ANXA5: variants seen among roughly 807,000 people sequenced by gnomAD.
ANXA5 encodes the protein annexin A5.
Under a neutral mutation model 48.1 loss-of-function variants are expected in ANXA5, and 40 were observed. The observed-to-expected ratio is 0.83, with a 90% CI of 0.65 to 1.08. ANXA5 has a LOEUF of 1.08. ANXA5 is among the 50% of genes least tolerant of loss of function. The probability of loss-of-function intolerance (pLI) is 0.00; values close to 1 mark genes in which losing one functional copy is unlikely to be tolerated. For missense variants in ANXA5, 357 were observed against 376.8 expected (o/e 0.95, Z 0.44); for synonymous variants, 113 against 129.1 (o/e 0.88, Z 0.85).
chr4:121,668,552 C>T, intron 12 of ANXA5, 25 bp from the exon 13 acceptor site: 1 of 1,603,412 alleles, frequency 6.2e-7, no homozygotes, highest in South Asian at 1.1e-5. Context: ...ATTCCATTAA[C>T]CTCCATGACT....
chr4:121,694,151 A>G (rs10017443), intron 2 of ANXA5, among the ~76,000 whole-genome samples: 74,588 of 141,096 alleles, frequency 0.53, 21,114 homozygotes, highest in African/African-American at 0.69. Context: ...TAATGTAAAT[A>G]TTGAGTTAAT....
intron 9 of ANXA5, 86 bp downstream of exon 9, chr4:121,672,447 C>A: frequency 1.2e-6 from 1 of 866,406 alleles, no homozygotes; most frequent in Non-Finnish European, 1.9e-6. Context: ...TAAGTCCCTG[C>A]TATGTAGCAG....
chr4:121,696,048 T>A (rs1243171808), intron 2 of ANXA5, among the ~76,000 whole-genome samples: 5 of 149,042 alleles, frequency 3.4e-5, no homozygotes, highest in African/African-American at 9.8e-5. Flanking sequence ...TCTTTTGGAT[T>A]AAAAAAAAAA....
intron 2 of ANXA5, among the ~76,000 whole-genome samples, chr4:121,689,344 C>T (rs528910596): frequency 1.8e-4 from 27 of 152,248 alleles, no homozygotes; most frequent in Admixed American, 7.2e-4. Context: ...ATGTCTCCCC[C>T]GTCCAAAGTA....
chr4:121,692,592 A>G (rs1420158521), intron 2 of ANXA5, among the ~76,000 whole-genome samples: 2 of 152,088 alleles, frequency 1.3e-5, no homozygotes, highest in African/African-American at 2.4e-5. Flanking sequence ...TCCCCACCTC[A>G]CTGCAGTTTC....
rs1274859071 is a variant in ANXA5 at position 121,668,332 on chromosome 4, G to A, written c.*136C>T. ...GCACCACTATTTTCTTCTATGACGT[G>A]TATGTGTTGGTCATGAGCATGCTAG... On this transcript the variant is annotated 3_prime_UTR_variant, in exon 13 of 13. Transcript: ENST00000296511. 4 of 708,814 alleles carry A rather than the reference G, an allele frequency of 5.6e-6. No homozygotes were observed. In the African/African-American group the frequency reaches 7.1e-5, roughly 13 times the overall value. 43.9% of individuals were successfully genotyped at this position (708,814 alleles called of 1,614,324 possible). A position where few individuals can be genotyped will look rare whatever the true frequency, so the allele number is the denominator to read the frequency against.
At chr4:121,687,229 G>A (rs570703898) in intron 2 of ANXA5, among the ~76,000 whole-genome samples, 53 of 151,686 alleles carry the variant, frequency 3.5e-4, no homozygotes, top group African/African-American at 1.2e-3. Context: ...GAACCTGGGA[G>A]GCGGAGCTTG....
chr4:121,685,125 AAC>A (rs1012627376), intron 3 of ANXA5, among the ~76,000 whole-genome samples: 21 of 151,790 alleles, frequency 1.4e-4, no homozygotes, highest in Admixed American at 3.9e-4. Context: ...TGTTTTATTA[AAC>A]AGTTTATTAA....
At chr4:121,691,272 C>CT (rs1158747789) in intron 2 of ANXA5, among the ~76,000 whole-genome samples, 16 of 151,098 alleles carry the variant, frequency 1.1e-4, no homozygotes, top group Non-Finnish European at 1.5e-4. Flanking sequence ...ATTTTGTTGG[C>CT]TTTTTTTTTC....
rs2110478481 is a variant in ANXA5 at position 121,670,023 on chromosome 4, A to G, written c.722-11T>C. Reference sequence around the variant, plus strand: ...TTCGAATAGATTTCACTAAGAAAATAAACAATACAATGGTCAAATGCTATT... The same window carrying G: ...TTCGAATAGATTTCACTAAGAAAATGAACAATACAATGGTCAAATGCTATT... On this transcript the variant is annotated splice_polypyrimidine_tract_variant and intron_variant, in intron 10 of 12. Coordinates refer to ENST00000296511, the MANE Select transcript of ANXA5 (RefSeq NM_001154.4). 6.3e-7 allele frequency: 1 copy of G among 1,576,320 alleles called. No individual in the cohort carries two copies. The highest frequency in any genetic ancestry group is 1.1e-5 in the South Asian group (1 of 87,358).
intron 8 of ANXA5, among the ~76,000 whole-genome samples, chr4:121,672,972 C>T (rs563723397): frequency 1.1e-4 from 17 of 152,298 alleles, no homozygotes; most frequent in African/African-American, 3.8e-4. Flanking sequence ...GTTGATACAT[C>T]CATGTATAGA....
At chr4:121,680,489 C>T (rs1018573708) in intron 6 of ANXA5, among the ~76,000 whole-genome samples, 1 of 152,144 alleles carries the variant, frequency 6.6e-6, no homozygotes, top group Non-Finnish European at 1.5e-5. Context: ...TTAAATATTG[C>T]AGTCATTCTG....
At chr4:121,686,029 C>CTTTTTTT (rs60663589) in intron 3 of ANXA5, among the ~76,000 whole-genome samples, 1 of 140,358 alleles carries the variant, frequency 7.1e-6, no homozygotes, top group Non-Finnish European at 1.5e-5. Context: ...AATTTTTTTG[C>CTTTTTTT]TTTTTTTTTT....
chr4:121,694,162 G>C (rs1417977347), intron 2 of ANXA5, among the ~76,000 whole-genome samples: 1 of 150,894 alleles, frequency 6.6e-6, no homozygotes. Context: ...TTGAGTTAAT[G>C]GGTGCAGCAC....
chr4:121,674,823 A>T (rs1232275550), intron 8 of ANXA5, among the ~76,000 whole-genome samples: 1 of 152,172 alleles, frequency 6.6e-6, no homozygotes, highest in Non-Finnish European at 1.5e-5. Context: ...AGGGACCCTT[A>T]CACCCCTTCC....
intron 2 of ANXA5, 93 bp downstream of exon 2, chr4:121,696,488 A>G: frequency 8.2e-7 from 1 of 1,217,900 alleles, no homozygotes; most frequent in Non-Finnish European, 1.1e-6. Context: ...TTCCTCCTAA[A>G]CTTTTTGGCT....
intron 6 of ANXA5, among the ~76,000 whole-genome samples, chr4:121,679,284 A>C (rs1301918096): frequency 1.3e-5 from 2 of 152,098 alleles, no homozygotes; most frequent in African/African-American, 4.8e-5. Flanking sequence ...CTACACCAAC[A>C]CCTGTAAATA....
At chr4:121,692,350 A>G (rs1370848589) in intron 2 of ANXA5, among the ~76,000 whole-genome samples, 1 of 152,240 alleles carries the variant, frequency 6.6e-6, no homozygotes, top group Admixed American at 6.5e-5. Context: ...CAGTGTAAGA[A>G]TGACTTCCCT....
intron 4 of ANXA5, 62 bp from the exon 5 acceptor site, chr4:121,683,539 T>C: frequency 2.1e-6 from 2 of 960,270 alleles, no homozygotes; most frequent in Non-Finnish European, 1.7e-6. Flanking sequence ...TCTTCTTAAA[T>C]ATGAATGACA....
Sources: allele counts gnomAD v4.1 joint callset (sites outside exome capture counted in the v4.1 genomes callset), GRCh38; gene constraint gnomAD v4.1.1; transcripts MANE v1.5; gene names NCBI Gene and HGNC (gene_info 2026-07-23, HGNC 2026-07-21).